LRCH2: variants seen among roughly 807,000 people sequenced by gnomAD.
The protein encoded by LRCH2 is leucine rich repeats and calponin homology domain containing 2, also known as leucine-rich repeat and calponin homology domain-containing protein 2.
Under a neutral mutation model 68.9 loss-of-function variants are expected in LRCH2, and 38 were observed. The observed-to-expected ratio is 0.55, with a 90% CI of 0.43 to 0.72. LRCH2 has a LOEUF of 0.72. LRCH2 is among the 30% of genes least tolerant of loss of function. LRCH2 has a pLI of 0.00. For synonymous variants in LRCH2, 191 were observed against 208.1 expected (o/e 0.92, Z 0.71); for missense variants, 528 against 572.9 (o/e 0.92, Z 0.80).
intron 3 of LRCH2, among the ~76,000 whole-genome samples, chrX:115,182,287 G>A (rs1387836338): frequency 9.0e-6 from 1 of 111,335 alleles, no homozygotes; most frequent in African/African-American, 3.3e-5. Context: ...AAATTACGGA[G>A]ACATAAAATC....
chrX:115,156,335 CAATAT>C (rs781974375), intron 12 of LRCH2, among the ~76,000 whole-genome samples: 66 of 111,131 alleles, frequency 5.9e-4, no homozygotes, highest in Non-Finnish European at 1.1e-3. Flanking sequence ...GCAGGAATAG[CAATAT>C]AATAAATGTT....
chrX:115,110,983 C>T lies in LRCH2; in HGVS notation c.*2233G>A. ...CAAATCCCACTCAAGTAATGAAAAT[C>T]ATTCTTAATTCAATAACTGATGAAA... On this transcript the variant is annotated 3_prime_UTR_variant, in exon 21 of 21. Transcript: ENST00000317135. 9.0e-6 allele frequency: 1 copy of T among 111,702 alleles called. No homozygotes were observed. Among genetic ancestry groups the T allele is most frequent in the Middle Eastern group, 4.8e-3 (1 of 210 alleles). 9.2% of individuals were successfully genotyped at this position (111,702 alleles called of 1,213,427 possible). A position where few individuals can be genotyped will look rare whatever the true frequency, so the allele number is the denominator to read the frequency against.
At chrX:115,184,599 A>G in intron 2 of LRCH2, 62 bp from the exon 3 acceptor site, 1 of 946,140 alleles carries the variant, frequency 1.1e-6, no homozygotes, top group Non-Finnish European at 1.4e-6. Context: ...ATTAAAAACG[A>G]AGAAATCACT....
intron 14 of LRCH2, among the ~76,000 whole-genome samples, chrX:115,135,899 A>G (rs2072286271): frequency 8.9e-6 from 1 of 112,163 alleles, no homozygotes; most frequent in South Asian, 3.7e-4. Flanking sequence ...ATTAAGGTAT[A>G]TCATTTTTTC....
intron 1 of LRCH2, among the ~76,000 whole-genome samples, chrX:115,207,884 T>C (rs1185850153): frequency 9.0e-6 from 1 of 111,383 alleles, no homozygotes; most frequent in African/African-American, 3.3e-5. Flanking sequence ...CAGGTATCCT[T>C]ATAAGAGGAA....
At chrX:115,183,563 C>T (rs782237396) in intron 3 of LRCH2, among the ~76,000 whole-genome samples, 110 of 110,408 alleles carry the variant, frequency 1.0e-3, no homozygotes, top group African/African-American at 3.5e-3. Context: ...GGTGTGGTGG[C>T]GCATGGCTGT....
Position 115,179,537 on chromosome X carries a change from G to T in LRCH2, c.754C>A (p.Leu252Met), listed in dbSNP as rs1556551816. ...GTCACTTTATTACAAGAGAAATCCA[G>T]CTTGACTAAGGGAAGGTCTCCTAAT... ...DELGDLPLVK[L>M]DFSCNKVTEI... The change falls in exon 5 of 21, where the codon CTG becomes ATG. Residue 252 changes from leucine to methionine, a missense_variant. By Grantham distance (15) the Leu-to-Met change is conservative. Coordinates refer to ENST00000317135, the MANE Select transcript of LRCH2 (RefSeq NM_020871.4). The T allele has an allele frequency of 8.8e-7, 1 of 1,138,420 alleles. No homozygotes were observed. The highest frequency in any genetic ancestry group is 3.0e-5 in the Admixed American group (1 of 33,606). 93.8% of individuals were successfully genotyped at this position (1,138,420 alleles called of 1,213,427 possible). A position where few individuals can be genotyped will look rare whatever the true frequency, so the allele number is the denominator to read the frequency against.
intron 20 of LRCH2, among the ~76,000 whole-genome samples, chrX:115,117,191 G>C (rs1603015918): frequency 9.0e-6 from 1 of 111,609 alleles, no homozygotes; most frequent in East Asian, 2.8e-4. Flanking sequence ...TTGAAAAGAT[G>C]ATCGGCATCA....
At chrX:115,192,108 C>A (rs782496437) in intron 1 of LRCH2, 41 of 1,167,657 alleles carry the variant, frequency 3.5e-5, no homozygotes, top group Non-Finnish European at 4.6e-5. Flanking sequence ...ACACCGAAGC[C>A]TACAGCAGGG....
At position 115,224,514 on chromosome X, in the gene LRCH2, C is replaced by G. The variant is rs1335380682; in HGVS notation, c.349+9179G>C. Among the ~76,000 whole-genome samples the G allele has an allele frequency of 2.7e-5, 3 of 109,220 alleles. No homozygotes were observed. The East Asian group carries it at 8.6e-4, about 31-fold the overall frequency. 94.8% of individuals were successfully genotyped at this position (109,220 alleles called of 115,157 possible). On this transcript the variant is annotated intron_variant, in intron 1 of 20. Transcript: ENST00000317135. ...CCTGGGCAACATGATGAAACCCTGT[C>G]TCTACAAAAAAATACAAAAATTAGC...
At position 115,233,924 on chromosome X, in the gene LRCH2, CG is replaced by C; in HGVS notation, c.117del (p.Gly40AlafsTer38). 8.6e-7 allele frequency: 1 copy of C among 1,163,123 alleles called. No homozygotes were observed. ...GGGGGGAGGG[G>X]GGGGGTLVVP... ...ACCACCAGGGTCCCGCCGCCGCCGC[CG>C]CCTCCCCCTCCAGCCCCGCCACCTC... On this transcript the variant is annotated frameshift_variant, in exon 1 of 21. Transcript: ENST00000317135. LOFTEE classifies it high-confidence loss of function.
At chrX:115,115,615 G>C (rs1451310546) in intron 20 of LRCH2, among the ~76,000 whole-genome samples, 3 of 110,511 alleles carry the variant, frequency 2.7e-5, no homozygotes, top group Non-Finnish European at 3.8e-5. Context: ...GAAAACACAG[G>C]TGTAAATCTT....
chrX:115,192,123 C>T (rs782270933), intron 1 of LRCH2: 33 of 1,165,791 alleles, frequency 2.8e-5, no homozygotes, highest in Middle Eastern at 2.3e-4. Flanking sequence ...GCAGGGGCCG[C>T]GACAGTTTCA....
At chrX:115,231,021 T>A (rs1267189286) in intron 1 of LRCH2, among the ~76,000 whole-genome samples, 1 of 111,024 alleles carries the variant, frequency 9.0e-6, no homozygotes, top group South Asian at 3.8e-4. Flanking sequence ...AGGGGTCTAT[T>A]TCATCTTAAT....
intron 14 of LRCH2, among the ~76,000 whole-genome samples, chrX:115,130,938 T>A (rs1397534148): frequency 9.0e-6 from 1 of 111,442 alleles, no homozygotes; most frequent in East Asian, 2.8e-4. Flanking sequence ...CTGCAAATGA[T>A]CCTGCAAATC....
intron 14 of LRCH2, among the ~76,000 whole-genome samples, chrX:115,144,976 A>G (rs2843486): frequency 0.057 from 6,348 of 111,831 alleles, 437 homozygotes; most frequent in African/African-American, 0.19. Flanking sequence ...ACAAAAGACC[A>G]AGAATGGCCA....
intron 6 of LRCH2, among the ~76,000 whole-genome samples, chrX:115,169,909 T>C (rs1050426318): frequency 2.7e-5 from 3 of 110,966 alleles, no homozygotes; most frequent in Non-Finnish European, 5.7e-5. Context: ...ATAAAGACTA[T>C]GATGAAAGGG....
At chrX:115,211,052 G>A (rs1389360209) in intron 1 of LRCH2, among the ~76,000 whole-genome samples, 1 of 112,145 alleles carries the variant, frequency 8.9e-6, no homozygotes, top group Non-Finnish European at 1.9e-5. Flanking sequence ...TGTCTCAGGT[G>A]AGACTTTGGA....
intron 1 of LRCH2, chrX:115,190,592 GAGA>G (rs2072786317): frequency 1.6e-5 from 19 of 1,160,792 alleles, no homozygotes; most frequent in East Asian, 3.3e-5. Context: ...GACCGCTACG[GAGA>G]AGAAGGCTGC....
Sources: allele counts gnomAD v4.1 joint callset (sites outside exome capture counted in the v4.1 genomes callset), GRCh38; gene constraint gnomAD v4.1.1; transcripts MANE v1.5; gene names NCBI Gene and HGNC (gene_info 2026-07-23, HGNC 2026-07-21).